DIP2C: variants seen among roughly 807,000 people sequenced by gnomAD.
DIP2C encodes DIP2 acetate--CoA ligase C (putative).
A neutral mutation model predicts 192.4 loss-of-function variants in DIP2C; 33 were observed. That is an observed-to-expected ratio of 0.17 (90% CI 0.13 to 0.23). The LOEUF is 0.23. Ranked by LOEUF, DIP2C falls within the 10% of genes least tolerant of loss-of-function variation. The pLI, the probability that DIP2C is intolerant of heterozygous loss-of-function variation, is 1.00. For synonymous variants in DIP2C, 979 were observed against 864.1 expected, an observed-to-expected ratio of 1.13 and a Z score of -2.33; for missense variants, 1,537 against 2,110.1, an observed-to-expected ratio of 0.73 and a Z score of 5.32.
intron 14 of DIP2C, 28 bp downstream of exon 14, chr10:387,717 C>G (rs1345982800): frequency 9.9e-6 from 16 of 1,613,276 alleles, no homozygotes; most frequent in Admixed American, 3.3e-5. Context: ...CCTTTGTGGA[C>G]AGACACGGCC....
chr10:608,044 C>A (rs1380864920), intron 1 of DIP2C, among the ~76,000 whole-genome samples: 1 of 151,314 alleles, frequency 6.6e-6, no homozygotes, highest in Non-Finnish European at 1.5e-5. Flanking sequence ...CTAGAATATG[C>A]ACAAATGTTC....
At chr10:590,728 A>G (rs1040092433) in intron 1 of DIP2C, among the ~76,000 whole-genome samples, 3 of 152,230 alleles carry the variant, frequency 2.0e-5, no homozygotes, top group Non-Finnish European at 4.4e-5. Flanking sequence ...AGTGCTAGAA[A>G]GCAGATTAAA....
chr10:531,297 G>C (rs968315768), intron 1 of DIP2C, among the ~76,000 whole-genome samples: 3 of 151,748 alleles, frequency 2.0e-5, no homozygotes, highest in Admixed American at 1.3e-4. Context: ...GACATTCCAC[G>C]AACCTGATGA....
rs767783265 is a variant in DIP2C, at chr10:392,838, GCACACA to G, written c.1261-1981_1261-1976del. The stretch of plus-strand genomic sequence containing the variant: ...AGCGCACACACACACACACGCCCAC[GCACACA>G]CACGTCCCCACACAATACACAGACA... On this transcript the variant is annotated intron_variant, in intron 10 of 36. Transcript: ENST00000280886. Among the ~76,000 whole-genome samples the G allele has an allele frequency of 3.8e-4, 58 of 151,452 alleles. 1 individual carries two copies. The East Asian group carries it at 7.0e-3, about 18-fold the overall frequency.
At chr10:593,790 G>C (rs536817582) in intron 1 of DIP2C, among the ~76,000 whole-genome samples, 1 of 152,134 alleles carries the variant, frequency 6.6e-6, no homozygotes, top group African/African-American at 2.4e-5. Flanking sequence ...TCTCCCCTCT[G>C]GACAGTAAAG....
Position 593,255 on chromosome 10 carries a change from G to A in DIP2C, c.85+96239C>T, listed in dbSNP as rs975858276. On this transcript the variant is annotated intron_variant, in intron 1 of 36. Transcript: ENST00000280886. ...TGGTCTCATCGTCATCTGGGGCTCA[G>A]CTCTGCCCCACTTTCCTAAATCTGA... Among the ~76,000 whole-genome samples, 18 of 152,172 alleles carry A rather than the reference G, an allele frequency of 1.2e-4. No individual in the cohort carries two copies. The South Asian group carries it at 2.1e-3, about 18-fold the overall frequency.
At chr10:335,341 G>T (rs906235141) in intron 29 of DIP2C, among the ~76,000 whole-genome samples, 2 of 152,162 alleles carry the variant, frequency 1.3e-5, no homozygotes, top group African/African-American at 2.4e-5. Flanking sequence ...CTTCAGGGGG[G>T]ATTTCCAACA....
chr10:604,868 C>T (rs1852352544), intron 1 of DIP2C, among the ~76,000 whole-genome samples: 1 of 152,176 alleles, frequency 6.6e-6, no homozygotes, highest in Non-Finnish European at 1.5e-5. Context: ...CACAAATTTC[C>T]ACTCTGACCT....
In DIP2C at chr10:507,849, T is replaced by C. The variant is rs183812229; in HGVS notation, c.86-21319A>G. Among the ~76,000 whole-genome samples, 61 of 152,258 alleles carry C rather than the reference T, an allele frequency of 4.0e-4. No homozygotes were observed. The East Asian group carries it at 8.1e-3, about 20-fold the overall frequency. The stretch of plus-strand genomic sequence containing the variant: ...CAATCTCTGCATCATCCTCAGAAAC[T>C]GTTCCTGACCATTCACCTGAGGCCA... On this transcript the variant is annotated intron_variant, in intron 1 of 36. Coordinates refer to ENST00000280886, the MANE Select transcript of DIP2C (RefSeq NM_014974.3).
Position 440,924 on chromosome 10 carries a change from G to T in DIP2C, c.341C>A (p.Ser114Tyr). ...CTGCACGACCAGGGACCTGCGTTTG[G>T]AAGGCATAGGCACTGCCATCTTCCG... ...KERKMAVPMP[S>Y]KRRSLVVQTS... Residue 114 changes from serine (S) to tyrosine (Y), a missense_variant, in exon 4 of 37, where the codon TCC becomes TAC. Physicochemically the swap from Ser to Tyr is moderately radical, Grantham distance 144. Around this residue, in one of 4 missense-constraint regions of DIP2C, gnomAD observed 473 missense variants for 539.6 expected, o/e 0.88. Transcript: ENST00000280886. The T allele has an allele frequency of 6.2e-7, 1 of 1,613,908 alleles. No individual in the cohort carries two copies.
chr10:362,796 A>G (rs1447370732), intron 21 of DIP2C, 105 bp from the exon 22 acceptor site: 5 of 1,240,046 alleles, frequency 4.0e-6, no homozygotes, highest in Admixed American at 2.7e-5. Context: ...TCTGTGCAGT[A>G]TAAGCACTGT....
intron 1 of DIP2C, among the ~76,000 whole-genome samples, chr10:647,047 G>C (rs760977218): frequency 9.2e-5 from 14 of 152,254 alleles, no homozygotes; most frequent in Non-Finnish European, 4.4e-5. Context: ...TTTGACAGTA[G>C]GAGAGAACAG....
intron 3 of DIP2C, among the ~76,000 whole-genome samples, chr10:450,133 C>A (rs1244904019): frequency 2.6e-5 from 4 of 152,192 alleles, no homozygotes; most frequent in African/African-American, 2.4e-5. Flanking sequence ...ATTTGAATGA[C>A]TTTTCTCCTT....
chr10:650,734 C>A (rs913316159), intron 1 of DIP2C: 6 of 639,768 alleles, frequency 9.4e-6, no homozygotes, highest in Non-Finnish European at 1.7e-5. Context: ...CCGACCCCCC[C>A]TCATGCTCAC....
intron 3 of DIP2C, chr10:441,216 C>A: frequency 1.8e-6 from 1 of 544,922 alleles, no homozygotes; most frequent in Non-Finnish European, 3.1e-6. Flanking sequence ...GAATCCATAT[C>A]CATAAGCAAA....
intron 1 of DIP2C, among the ~76,000 whole-genome samples, chr10:591,514 A>T (rs1436836291): frequency 6.6e-6 from 1 of 152,256 alleles, no homozygotes. Context: ...TTCCAAGAGA[A>T]CCAGTTACCC....
chr10:686,544 G>A (rs1461160350), intron 1 of DIP2C, among the ~76,000 whole-genome samples: 1 of 152,242 alleles, frequency 6.6e-6, no homozygotes, highest in Non-Finnish European at 1.5e-5. Context: ...CCAAGTATGT[G>A]AGGAGATGAC....
chr10:290,635 G>C (rs1002861085), intron 32 of DIP2C, among the ~76,000 whole-genome samples: 4 of 152,204 alleles, frequency 2.6e-5, no homozygotes, highest in Non-Finnish European at 5.9e-5. Flanking sequence ...CCCAAATGAA[G>C]ACAGCAGTAG....
chr10:543,131 A>G (rs1415498896), intron 1 of DIP2C, among the ~76,000 whole-genome samples: 1 of 152,248 alleles, frequency 6.6e-6, no homozygotes, highest in Non-Finnish European at 1.5e-5. Flanking sequence ...ACAACTGGAC[A>G]GCAGTGAGAT....
Sources: allele counts gnomAD v4.1 joint callset (sites outside exome capture counted in the v4.1 genomes callset), GRCh38; gene constraint gnomAD v4.1.1; regional missense constraint gnomAD v4.1.1; transcripts MANE v1.5; gene names NCBI Gene and HGNC (gene_info 2026-07-23, HGNC 2026-07-21).